PTPRN2: variants seen among roughly 807,000 people sequenced by gnomAD.
PTPRN2 encodes the protein receptor-type tyrosine-protein phosphatase N2.
In PTPRN2, 74 loss-of-function variants were observed where a neutral mutation model predicts 118.8. The ratio of observed to expected loss-of-function variants is 0.62; its 90% CI spans 0.52 to 0.76. The LOEUF (loss-of-function observed/expected upper bound fraction) is 0.76, where lower values mean the gene tolerates loss of function less well. Among genes scored for constraint, PTPRN2 ranks in the 30% least tolerant of loss-of-function variants. The pLI is 0.00. For missense variants in PTPRN2, 1,481 were observed against 1,394.4 expected, an observed-to-expected ratio of 1.06 and a Z score of -0.99; for synonymous variants, 641 against 608.0, an observed-to-expected ratio of 1.05 and a Z score of -0.80.
intron 3 of PTPRN2, among the ~76,000 whole-genome samples, chr7:158,314,042 T>C (rs373618751): frequency 1.1e-4 from 16 of 152,232 alleles, no homozygotes; most frequent in African/African-American, 3.6e-4. Flanking sequence ...CTAGCTCCCA[T>C]GACAAGGGAG....
intron 2 of PTPRN2, among the ~76,000 whole-genome samples, chr7:158,434,434 C>T (rs1030099003): frequency 1.3e-5 from 2 of 152,112 alleles, no homozygotes; most frequent in African/African-American, 4.8e-5. Flanking sequence ...CTTTTTATCT[C>T]GGAAAATGCT....
intron 12 of PTPRN2, among the ~76,000 whole-genome samples, chr7:157,758,478 C>T (rs1801940738): frequency 1.3e-5 from 2 of 152,228 alleles, no homozygotes; most frequent in African/African-American, 2.4e-5. Flanking sequence ...ACCGTGGCCC[C>T]CGTGCAGCTC....
In PTPRN2 at chr7:158,248,446, G is replaced by A. The variant is rs998052465; in HGVS notation, c.278-43173C>T. Among the ~76,000 whole-genome samples, 3 of 148,980 alleles carry A rather than the reference G, an allele frequency of 2.0e-5. No individual in the cohort carries two copies. The Admixed American group carries it at 2.0e-4, about 10-fold the overall frequency. On this transcript the variant is annotated intron_variant, in intron 3 of 22. Transcript: ENST00000389418. ...CAGGAAGCTTGTTTCTCATTTACTT[G>A]AATTCAAATCTTAAAATGTTTGCAA... is the stretch of plus-strand genomic sequence containing the variant.
intron 9 of PTPRN2, among the ~76,000 whole-genome samples, chr7:158,122,556 C>T (rs1027776963): frequency 3.9e-5 from 6 of 152,046 alleles, no homozygotes; most frequent in African/African-American, 1.4e-4. Flanking sequence ...ACGTAGGGGT[C>T]GGAAATATAA....
chr7:157,900,851 A>C (rs1014461456), intron 11 of PTPRN2, among the ~76,000 whole-genome samples: 1 of 152,200 alleles, frequency 6.6e-6, no homozygotes, highest in Non-Finnish European at 1.5e-5. Flanking sequence ...CTCCCATCAC[A>C]GTTGACTTTA....
rs552230679 is a variant in PTPRN2 at position 157,758,296 on chromosome 7, G to A, written c.1789-75359C>T. Reference sequence around the variant, plus strand: ...CAGGCCTGTCCAGGCGCCATTCCCCGTGGCCTGCACGCTCCTGGGTCATGC... The same window carrying A: ...CAGGCCTGTCCAGGCGCCATTCCCCATGGCCTGCACGCTCCTGGGTCATGC... On this transcript the variant is annotated intron_variant, in intron 12 of 22. Coordinates refer to ENST00000389418, the MANE Select transcript of PTPRN2 (RefSeq NM_002847.5). 2.6e-5 allele frequency among the ~76,000 whole-genome samples: 4 copies of A among 152,334 alleles called. No individual in the cohort carries two copies. In the East Asian group the frequency reaches 7.7e-4, roughly 29 times the overall value.
At chr7:157,939,457 T>C (rs1490772408) in intron 11 of PTPRN2, among the ~76,000 whole-genome samples, 1 of 152,232 alleles carries the variant, frequency 6.6e-6, no homozygotes, top group Non-Finnish European at 1.5e-5. Context: ...TGGACAGCCA[T>C]CTGCAGACCA....
chr7:157,628,096 G>A (rs769199874), intron 14 of PTPRN2, among the ~76,000 whole-genome samples: 1 of 152,126 alleles, frequency 6.6e-6, no homozygotes, highest in African/African-American at 2.4e-5. Flanking sequence ...CACAAGACTG[G>A]GTGCTGCTAG....
intron 2 of PTPRN2, among the ~76,000 whole-genome samples, chr7:158,420,720 G>A (rs879842144): frequency 8.5e-5 from 13 of 152,184 alleles, no homozygotes; most frequent in East Asian, 3.9e-4. Flanking sequence ...CCCATCATCC[G>A]AGTGGGCTTC....
At chr7:158,147,464 C>T (rs1481919853) in intron 6 of PTPRN2, among the ~76,000 whole-genome samples, 1 of 68,172 alleles carries the variant, frequency 1.5e-5, no homozygotes, top group Non-Finnish European at 2.6e-5. Flanking sequence ...CCCCATCTCA[C>T]ACCACGTGTC....
chr7:158,551,023 C>T (rs58796388), intron 1 of PTPRN2, among the ~76,000 whole-genome samples: 1 of 152,218 alleles, frequency 6.6e-6, no homozygotes. Flanking sequence ...CAGCAGCGAC[C>T]GTGAGCACGG....
intron 12 of PTPRN2, among the ~76,000 whole-genome samples, chr7:157,826,838 C>T (rs900410524): frequency 3.3e-5 from 5 of 152,084 alleles, no homozygotes; most frequent in African/African-American, 9.7e-5. Flanking sequence ...GGTCATGGGG[C>T]AATGGGGAGC....
chr7:158,336,543 C>T (rs199667159), intron 2 of PTPRN2, among the ~76,000 whole-genome samples: 7,817 of 68,620 alleles, frequency 0.11, 623 homozygotes, highest in South Asian at 0.17. Flanking sequence ...AACCTGCCGA[C>T]GTCACTCACA....
At chr7:157,743,907 A>G (rs1316595286) in intron 12 of PTPRN2, among the ~76,000 whole-genome samples, 1 of 152,170 alleles carries the variant, frequency 6.6e-6, no homozygotes, top group Non-Finnish European at 1.5e-5. Flanking sequence ...TTTCTTTGCC[A>G]CCAGCCACGG....
intron 12 of PTPRN2, among the ~76,000 whole-genome samples, chr7:157,686,244 C>A (rs1033096381): frequency 6.6e-6 from 1 of 152,208 alleles, no homozygotes; most frequent in Non-Finnish European, 1.5e-5. Flanking sequence ...CTTCCCTCCA[C>A]GCCCAGGACG....
intron 11 of PTPRN2, among the ~76,000 whole-genome samples, chr7:158,045,187 G>A (rs1413557731): frequency 1.3e-5 from 2 of 152,184 alleles, no homozygotes; most frequent in East Asian, 1.9e-4. Flanking sequence ...AAGAAAGTTG[G>A]TGGCTTTGGG....
intron 3 of PTPRN2, among the ~76,000 whole-genome samples, chr7:158,278,998 G>T: frequency 6.6e-6 from 1 of 152,178 alleles, no homozygotes; most frequent in Admixed American, 6.5e-5. Flanking sequence ...CCTTCGAGGT[G>T]AGTGTTACAG....
intron 12 of PTPRN2, among the ~76,000 whole-genome samples, chr7:157,747,305 G>A (rs1453646084): frequency 5.3e-5 from 7 of 131,700 alleles, no homozygotes; most frequent in East Asian, 2.7e-4. Context: ...TGAGCTGTGG[G>A]GTGTCCGGGT....
At chr7:158,023,529 CCCATCCA>C (rs1442382719) in intron 11 of PTPRN2, among the ~76,000 whole-genome samples, 1 of 152,184 alleles carries the variant, frequency 6.6e-6, no homozygotes, top group Admixed American at 6.5e-5. Context: ...GCAGCACTGT[CCCATCCA>C]CTGCAAAGGA....
Sources: gnomAD v4.1 joint callset for allele counts (sites outside exome capture counted in the v4.1 genomes callset) on GRCh38, gnomAD v4.1.1 for gene constraint, MANE v1.5 for transcripts, NCBI Gene and HGNC (gene_info 2026-07-23, HGNC 2026-07-21) for gene names.